PLEC: variants seen among roughly 807,000 people sequenced by gnomAD.
The protein encoded by PLEC is hemidesmosomal protein 1.
Under a neutral mutation model 392.8 loss-of-function variants are expected in PLEC, and 216 were observed. The ratio of observed to expected loss-of-function variants is 0.55; its 90% CI spans 0.49 to 0.62. PLEC has a LOEUF of 0.62. Ranked by LOEUF, PLEC falls within the 20% of genes least tolerant of loss-of-function variation. PLEC has a pLI of 0.00. For synonymous variants in PLEC, 3,621 were observed against 2,980.6 expected (o/e 1.21, Z -7.00); for missense variants, 6,863 against 6,563.4 (o/e 1.05, Z -1.58).
intron 1 of PLEC, among the ~76,000 whole-genome samples, chr8:143,961,831 TA>T (rs1181100893): frequency 1.3e-5 from 2 of 152,208 alleles, no homozygotes; most frequent in East Asian, 1.9e-4. Flanking sequence ...CATGCTTTTT[TA>T]TTTTTTTATT....
intron 27 of PLEC, 27 bp downstream of exon 27, chr8:143,927,383 G>A (rs782193879): frequency 1.5e-5 from 24 of 1,608,322 alleles, no homozygotes; most frequent in Middle Eastern, 3.3e-4. Context: ...ACGCCCAGCC[G>A]CCCCGTCCCC....
At chr8:143,965,506 G>A (rs1229673116) in intron 1 of PLEC, among the ~76,000 whole-genome samples, 1 of 151,868 alleles carries the variant, frequency 6.6e-6, no homozygotes. Context: ...TGCTCTCCCA[G>A]CCCCGCATCT....
At chr8:143,928,015 G>A in intron 25 of PLEC, 23 bp from the exon 26 acceptor site, 1 of 1,581,450 alleles carries the variant, frequency 6.3e-7, no homozygotes, top group Non-Finnish European at 8.6e-7. Context: ...CGGGGCTCAG[G>A]GCCATGACAT....
At position 143,931,918 on chromosome 8, in the gene PLEC, AG is replaced by A. The variant is rs1827389401; in HGVS notation, c.2178+18del. On this transcript the variant is annotated intron_variant, in intron 18 of 31. Coordinates refer to ENST00000345136, the MANE Select transcript of PLEC (RefSeq NM_201384.3). ...AGGCTGCCGCTGAGCCACAGTGCGG[AG>A]GGGGCTCCGGTTCTCACCTGAAAGT... The A allele has an allele frequency of 1.3e-6, 2 of 1,592,212 alleles. No individual in the cohort carries two copies. The highest frequency in any genetic ancestry group is 1.7e-6 in the Non-Finnish European group (2 of 1,168,372).
rs782057352 is a variant in PLEC at position 143,925,590 on chromosome 8, G to A, written c.4339C>T (p.Arg1447Trp). Residue 1447 changes from arginine to tryptophan, a missense_variant, in exon 31 of 32, where the codon CGG (arginine) becomes TGG (tryptophan). By Grantham distance (101) the Arg-to-Trp change is moderately radical. Transcript: ENST00000345136. Reference protein sequence around the residue: ...ARQAEAAERSRLRIEEEIRVV... With the variant: ...ARQAEAAERSWLRIEEEIRVV... The stretch of plus-strand genomic sequence containing the variant: ...CGGATCTCCTCCTCGATGCGCAGCC[G>A]GCTGCGCTCAGCCGCCTCTGCCTGC... 1.7e-5 allele frequency: 27 copies of A among 1,574,072 alleles called. No homozygotes were observed. Among genetic ancestry groups the A allele is most frequent in the East Asian group, 4.6e-5 (2 of 43,032 alleles).
chr8:143,948,429 G>T (rs145468028), intron 1 of PLEC, among the ~76,000 whole-genome samples: 1 of 152,302 alleles, frequency 6.6e-6, no homozygotes, highest in East Asian at 1.9e-4. Context: ...AGGGCCATCC[G>T]GACCCCTGTC....
chr8:143,925,317 G>C lies in PLEC; in HGVS notation c.4612C>G (p.Leu1538Val), dbSNP rs1278799449. ...TCCGCCTGCAGCCGCAGCTCCTCCA[G>C]GGCCTGCAGGGCCCGCTGCTTCTCG... ...AREKQRALQALEELRLQAEEA... is the reference protein window; with the variant it reads ...AREKQRALQAVEELRLQAEEA... The change falls in exon 31 of 32, where the codon CTG (leucine) becomes GTG (valine). Residue 1538 changes from leucine to valine, a missense_variant. Coordinates refer to ENST00000345136, the MANE Select transcript of PLEC (RefSeq NM_201384.3). 3 of 1,563,654 alleles carry C rather than the reference G, an allele frequency of 1.9e-6. No homozygotes were observed. The highest frequency in any genetic ancestry group is 2.6e-6 in the Non-Finnish European group (3 of 1,162,984).
Position 143,922,890 on chromosome 8 carries a change from G to A in PLEC, c.7039C>T (p.Gln2347Ter), listed in dbSNP as rs1395849402. Residue 2347 changes from glutamine (Q) to a stop codon, truncating the protein, a stop_gained, in exon 31 of 32, where the codon CAG becomes TAG. Transcript: ENST00000345136. LOFTEE classifies it high-confidence loss of function. ...TGCGCCATCTGCTCCTTGTCCTCCT[G>A]CAGCCGCCGCGCCTGCTCCTGCGCA... is the stretch of plus-strand genomic sequence containing the variant. ...ELAQEQARRLQEDKEQMAQQL... is the reference protein window; with the variant it reads ...ELAQEQARRL 6.3e-7 allele frequency: 1 copy of A among 1,583,210 alleles called. No individual in the cohort carries two copies. Among genetic ancestry groups the A allele is most frequent in the Non-Finnish European group, 8.6e-7 (1 of 1,165,546 alleles).
Position 143,932,905 on chromosome 8 carries a change from G to A in PLEC, c.1625C>T (p.Ala542Val). ...VEENQHRVDG[A>V]EWGVDLPSVE... ...GCTGGGCAGGTCCACACCCCACTCA[G>A]CGCCATCCACACGGTGCTGGTTCTC... The change falls in exon 14 of 32, where the codon GCT (alanine) becomes GTT (valine). Residue 542 changes from alanine to valine, a missense_variant. By Grantham distance (64) the Ala-to-Val change is moderately conservative. Transcript: ENST00000345136. 1 of 1,612,622 alleles carries A rather than the reference G, an allele frequency of 6.2e-7. No individual in the cohort carries two copies.
intron 1 of PLEC, among the ~76,000 whole-genome samples, chr8:143,960,773 C>CCA (rs1554740645): frequency 6.6e-6 from 1 of 152,218 alleles, no homozygotes; most frequent in Non-Finnish European, 1.5e-5. Flanking sequence ...CTCCCCCCAC[C>CCA]CACACACACA....
exon 1 of PLEC, chr8:143,950,433 T>C (rs1564209524): frequency 6.2e-7 from 1 of 1,601,274 alleles, no homozygotes. Context: ...GCGGGCACGA[T>C]CTCTGGCGGC....
chr8:143,922,421 G>A, intron 31 of PLEC, 26 bp from the exon 32 acceptor site: 4 of 1,600,530 alleles, frequency 2.5e-6, no homozygotes, highest in Non-Finnish European at 3.4e-6. Flanking sequence ...GTGTGATCAG[G>A]GACCGCCAGC....
At chr8:143,941,530 AGGGCTGGGACCAGGT>A (rs1466582436), upstream of PLEC, among the ~76,000 whole-genome samples, 1 of 151,476 alleles carries the variant, frequency 6.6e-6, no homozygotes, top group Non-Finnish European at 1.5e-5. Context: ...GGGGCGGGGC[AGGGCTGGGACCAGGT>A]GGGCTGGGGG....
chr8:143,920,416 G>A lies in PLEC; in HGVS notation c.9405C>T (p.Asp3135=), dbSNP rs28540185. The A allele has an allele frequency of 3.6e-5, 58 of 1,594,378 alleles. No homozygotes were observed. The highest frequency in any genetic ancestry group is 2.7e-4 in the African/African-American group (20 of 74,586). Residue 3135 remains aspartate, a synonymous_variant, in exon 32 of 32, where the codon GAC becomes GAT. Transcript: ENST00000345136. ...IPREQGLRLL[D]AQLSTGGIVD... is the part of the protein sequence containing the mutation. ...CGATGCCGCCCGTGGACAGCTGGGC[G>A]TCCAACAGGCGCAGGCCCTGCTCCC...
At chr8:143,964,608 G>T (rs1174090167) in intron 1 of PLEC, among the ~76,000 whole-genome samples, 4 of 152,192 alleles carry the variant, frequency 2.6e-5, no homozygotes, top group African/African-American at 9.7e-5. Flanking sequence ...AACCGTAAGA[G>T]AATACATTTC....
At chr8:143,929,008 C>A (rs934847891) in intron 25 of PLEC, 95 bp downstream of exon 25, 1 of 1,167,040 alleles carries the variant, frequency 8.6e-7, no homozygotes, top group Non-Finnish European at 1.2e-6. Flanking sequence ...CAGCCCCCAA[C>A]TCGTTCCCTC....
chr8:143,969,506 T>C lies in PLEC; in HGVS notation c.70+3897A>G, dbSNP rs534077706. Reference sequence around the variant, plus strand: ...CCCAAGCCTGGCCTGTGACAGCTCATAGAGGCTGGGCCGTCCTGCCACACC... The same window carrying C: ...CCCAAGCCTGGCCTGTGACAGCTCACAGAGGCTGGGCCGTCCTGCCACACC... On this transcript the variant is annotated intron_variant, in intron 1 of 31. Coordinates refer to the PLEC transcript ENST00000356346. This position sits in a 1 kb window ranked among gnomAD's most constrained non-coding sequence, Gnocchi z 5.1. 1.3e-5 allele frequency among the ~76,000 whole-genome samples: 2 copies of C among 152,182 alleles called. No homozygotes were observed. The highest frequency in any genetic ancestry group is 2.9e-5 in the Non-Finnish European group (2 of 68,012).
At position 143,918,994 on chromosome 8, in the gene PLEC, C is replaced by G; in HGVS notation, c.10827G>C (p.Gln3609His). 6.2e-7 allele frequency: 1 copy of G among 1,611,356 alleles called. No individual in the cohort carries two copies. The highest frequency in any genetic ancestry group is 8.5e-7 in the Non-Finnish European group (1 of 1,180,026). Residue 3609 changes from glutamine to histidine, a missense_variant, in exon 32 of 32, where the codon CAG (glutamine) becomes CAC (histidine). Coordinates refer to ENST00000345136, the MANE Select transcript of PLEC (RefSeq NM_201384.3). ...TGCGTTCCTTGGTCACCCGGCCGGC[C>G]TGGAAGTCAGCCATCAGCTGGGCCC... is the stretch of plus-strand genomic sequence containing the variant. ...EQRAQLMADF[Q>H]AGRVTKERMI...
At position 143,932,558 on chromosome 8, in the gene PLEC, A is replaced by G; in HGVS notation, c.1819T>C (p.Ser607Pro). The G allele has an allele frequency of 1.2e-6, 2 of 1,612,352 alleles. No homozygotes were observed. The highest frequency in any genetic ancestry group is 1.7e-6 in the Non-Finnish European group (2 of 1,179,898). ...LDLQYAKLLN[S>P]SKARLRSLES... Reference sequence around the variant, plus strand: ...AGGGACCTGAGGCGGGCCTTGGAGGAGTTCTGTGGGCAGGAGGGTGCGTGT... The same window carrying G: ...AGGGACCTGAGGCGGGCCTTGGAGGGGTTCTGTGGGCAGGAGGGTGCGTGT... The change falls in exon 16 of 32, where the codon TCC (serine) becomes CCC (proline). Residue 607 changes from serine to proline, a missense_variant. Physicochemically the swap from Ser to Pro is moderately conservative, Grantham distance 74. Coordinates refer to ENST00000345136, the MANE Select transcript of PLEC (RefSeq NM_201384.3).
Sources: gnomAD v4.1 joint callset for allele counts (sites outside exome capture counted in the v4.1 genomes callset) on GRCh38, gnomAD v4.1.1 for gene constraint, Gnocchi (gnomAD v3.1) non-coding constraint, MANE v1.5 for transcripts, NCBI Gene and HGNC (gene_info 2026-07-23, HGNC 2026-07-21) for gene names.